Variants in MYLK observed in about 807,000 individuals in gnomAD.
The protein encoded by MYLK is myosin light chain kinase, smooth muscle.
A neutral mutation model predicts 203.4 loss-of-function variants in MYLK; 106 were observed. The observed-to-expected ratio is 0.52, with a 90% CI of 0.45 to 0.61. The LOEUF (loss-of-function observed/expected upper bound fraction) is 0.61, where lower values mean the gene tolerates loss of function less well. Ranked by LOEUF, MYLK falls within the 20% of genes least tolerant of loss-of-function variation. The probability of loss-of-function intolerance (pLI) is 0.00; values close to 1 mark genes in which losing one functional copy is unlikely to be tolerated. For missense variants in MYLK, 2,072 were observed against 2,442.3 expected (o/e 0.85, Z 3.20); for synonymous variants, 867 against 959.5 (o/e 0.90, Z 1.78).
At chr3:123,883,597 C>T (rs143263907) in intron 1 of MYLK, among the ~76,000 whole-genome samples, 35 of 152,322 alleles carry the variant, frequency 2.3e-4, no homozygotes, top group African/African-American at 8.4e-4. Flanking sequence ...ACTCACATCT[C>T]CTGAGAAGTT....
chr3:123,809,106 C>T (rs1445499674), intron 3 of MYLK, among the ~76,000 whole-genome samples: 2 of 152,194 alleles, frequency 1.3e-5, no homozygotes, highest in Non-Finnish European at 2.9e-5. Flanking sequence ...CTCACCTTCT[C>T]AGTCTATAGA....
intron 2 of MYLK, among the ~76,000 whole-genome samples, chr3:123,861,058 A>G (rs1485894592): frequency 6.6e-6 from 1 of 151,258 alleles, no homozygotes; most frequent in Non-Finnish European, 1.5e-5. Context: ...TGAACCCGGG[A>G]GGCGGAGCCT....
intron 3 of MYLK, among the ~76,000 whole-genome samples, chr3:123,812,974 A>G (rs1358242413): frequency 6.6e-6 from 1 of 152,162 alleles, no homozygotes; most frequent in Non-Finnish European, 1.5e-5. Context: ...CTTGGCTCCC[A>G]GGCTAGATCA....
chr3:123,692,470 G>A (rs571074549), intron 19 of MYLK: 31 of 1,160,556 alleles, frequency 2.7e-5, no homozygotes, highest in Non-Finnish European at 3.5e-5. Flanking sequence ...AGAAGGTTCT[G>A]GGTGTGGGGA....
chr3:123,884,310 C>T lies in MYLK; in HGVS notation c.-290G>A, dbSNP rs1456105052. The T allele has an allele frequency of 2.4e-5, 3 of 127,370 alleles. No individual in the cohort carries two copies. Among genetic ancestry groups the T allele is most frequent in the East Asian group, 2.8e-4 (1 of 3,580 alleles). 7.9% of individuals were successfully genotyped at this position (127,370 alleles called of 1,614,324 possible). On this transcript the variant is annotated 5_prime_UTR_variant, in exon 1 of 34. Transcript: ENST00000360304. ...CCGAGCTCGCTCAGCGCCCTGCTGC[C>T]GACCGGGCGGCGCGGGGAGCCCGCG...
At chr3:123,848,535 G>A (rs1481835310) in intron 2 of MYLK, among the ~76,000 whole-genome samples, 3 of 152,018 alleles carry the variant, frequency 2.0e-5, no homozygotes, top group African/African-American at 2.4e-5. Context: ...ATACTTCCCT[G>A]GCTCCCTTGC....
chr3:123,731,627 T>C (rs9847268), intron 11 of MYLK, among the ~76,000 whole-genome samples: 2 of 152,198 alleles, frequency 1.3e-5, no homozygotes, highest in African/African-American at 4.8e-5. Flanking sequence ...TGAATTCCTA[T>C]GTACCCATCT....
At chr3:123,697,501 TA>T (rs755724958) in intron 18 of MYLK, among the ~76,000 whole-genome samples, 6 of 152,172 alleles carry the variant, frequency 3.9e-5, no homozygotes, top group Admixed American at 2.6e-4. Flanking sequence ...AGTACCCTGA[TA>T]AAATAATAGG....
chr3:123,718,054 G>A (rs904169477), intron 13 of MYLK, among the ~76,000 whole-genome samples: 1 of 152,096 alleles, frequency 6.6e-6, no homozygotes, highest in African/African-American at 2.4e-5. Context: ...TGGAGACGGT[G>A]TGTTGCCGTG....
chr3:123,809,585 T>A (rs2065484127), intron 3 of MYLK, among the ~76,000 whole-genome samples: 1 of 152,146 alleles, frequency 6.6e-6, no homozygotes, highest in Admixed American at 6.5e-5. Context: ...TAGGTGCACA[T>A]CCTGGCAGTC....
At chr3:123,739,189 G>C in intron 6 of MYLK, 127 bp from the exon 7 acceptor site, 1 of 1,104,774 alleles carries the variant, frequency 9.1e-7, no homozygotes, top group Non-Finnish European at 1.3e-6. Flanking sequence ...CCAATTTTAT[G>C]CCTCAGAAAC....
At chr3:123,740,680 C>T (rs1229142802) in intron 5 of MYLK, among the ~76,000 whole-genome samples, 5 of 152,230 alleles carry the variant, frequency 3.3e-5, no homozygotes, top group Admixed American at 3.3e-4. Flanking sequence ...GGGCAAGGCG[C>T]TGCTATGCTG....
chr3:123,767,361 C>G (rs994411436), intron 4 of MYLK, among the ~76,000 whole-genome samples: 2 of 152,200 alleles, frequency 1.3e-5, no homozygotes, highest in Non-Finnish European at 2.9e-5. Context: ...AATTCCAGCA[C>G]TTTGGGAGGC....
chr3:123,740,576 C>T (rs553094422), intron 5 of MYLK, among the ~76,000 whole-genome samples: 20 of 152,368 alleles, frequency 1.3e-4, no homozygotes, highest in East Asian at 5.8e-4. Context: ...TGAGCTACAG[C>T]GGAGCCAGCA....
chr3:123,725,990 G>A lies in MYLK; in HGVS notation c.1605C>T (p.Cys535=), dbSNP rs762735266. The part of the protein sequence containing the change: ...VIEGQDFVLQ[C]SVRGTPVPRI... ...GGGGCACTGGGGTCCCCCGTACGGA[G>A]CACTGCAGCACAAAATCCTGGCCCT... The change falls in exon 12 of 34, where the codon TGC becomes TGT. Residue 535 remains cysteine (C), a synonymous_variant. Coordinates refer to ENST00000360304, the MANE Select transcript of MYLK (RefSeq NM_053025.4). The A allele has an allele frequency of 6.2e-6, 10 of 1,614,214 alleles. No individual in the cohort carries two copies. Among genetic ancestry groups the A allele is most frequent in the Non-Finnish European group, 8.5e-6 (10 of 1,180,030 alleles).
Position 123,610,890 on chromosome 3 carries a change from T to G in MYLK, c.*3215A>C, listed in dbSNP as rs1318593931. The G allele has an allele frequency of 6.6e-6, 1 of 152,216 alleles. No homozygotes were observed. The highest frequency in any genetic ancestry group is 2.4e-5 in the African/African-American group (1 of 41,464). 9.4% of individuals were successfully genotyped at this position (152,216 alleles called of 1,614,324 possible). A position where few individuals can be genotyped will look rare whatever the true frequency, so the allele number is the denominator to read the frequency against. ...AGAGCTGACAACAGTCAGCATGTCTTATTAGTTGCATGTAGGAAATATCTT... is the reference window on the plus strand; with the variant it reads ...AGAGCTGACAACAGTCAGCATGTCTGATTAGTTGCATGTAGGAAATATCTT... On this transcript the variant is annotated 3_prime_UTR_variant, in exon 34 of 34. Transcript: ENST00000360304.
chr3:123,701,116 G>A, intron 17 of MYLK, 111 bp from the exon 18 acceptor site: 1 of 1,268,406 alleles, frequency 7.9e-7, no homozygotes, highest in Admixed American at 2.0e-5. Context: ...AGGGGAGCGG[G>A]AGGGGATGGG....
In MYLK at chr3:123,793,803, G is replaced by A; in HGVS notation, c.39C>T (p.Ser13=). 1 of 1,614,228 alleles carries A rather than the reference G, an allele frequency of 6.2e-7. No individual in the cohort carries two copies. The highest frequency in any genetic ancestry group is 1.1e-5 in the South Asian group (1 of 91,080). The part of the protein sequence containing the change: ...DVKLVASSHI[S]KTSLSVDPSR... Reference sequence around the variant, plus strand: ...AGGGATCCACACTGAGGGAGGTTTTGGAAATGTGTGACGAGGCAACCAGCT... The same window carrying A: ...AGGGATCCACACTGAGGGAGGTTTTAGAAATGTGTGACGAGGCAACCAGCT... Residue 13 remains serine (S), a synonymous_variant, in exon 4 of 34, where the codon TCC becomes TCT. Coordinates refer to ENST00000360304, the MANE Select transcript of MYLK (RefSeq NM_053025.4).
chr3:123,638,286 C>T, intron 28 of MYLK, 92 bp from the exon 29 acceptor site: 1 of 1,571,208 alleles, frequency 6.4e-7, no homozygotes, highest in Admixed American at 1.7e-5. Context: ...TGACCCCAAC[C>T]TGGGAGGGGC....
Sources: allele counts gnomAD v4.1 joint callset (sites outside exome capture counted in the v4.1 genomes callset), GRCh38; gene constraint gnomAD v4.1.1; transcripts MANE v1.5; gene names NCBI Gene and HGNC (gene_info 2026-07-23, HGNC 2026-07-21).